Variants in LRRTM3 observed in about 807,000 individuals in gnomAD.
The protein encoded by LRRTM3 is leucine rich repeat transmembrane neuronal 3.
In LRRTM3, 24 loss-of-function variants were observed where a neutral mutation model predicts 44.7. The ratio of observed to expected loss-of-function variants is 0.54; its 90% CI spans 0.39 to 0.76. The LOEUF (loss-of-function observed/expected upper bound fraction) is 0.76. Ranked by LOEUF, LRRTM3 falls within the 30% of genes least tolerant of loss-of-function variation. The probability of loss-of-function intolerance (pLI) is 0.00; values close to 1 mark genes in which losing one functional copy is unlikely to be tolerated. For missense variants in LRRTM3, 587 were observed against 702.2 expected (o/e 0.84, Z 1.85); for synonymous variants, 277 against 278.7 (o/e 0.99, Z 0.06).
chr10:66,933,471 A>T (rs992444716), intron 2 of LRRTM3, among the ~76,000 whole-genome samples: 1 of 152,212 alleles, frequency 6.6e-6, no homozygotes, highest in African/African-American at 2.4e-5. Context: ...CATTGTGTTC[A>T]ATCCTTGTTG....
chr10:67,065,526 C>T (rs2764809), intron 2 of LRRTM3, among the ~76,000 whole-genome samples: 52,419 of 151,664 alleles, frequency 0.35, 9,553 homozygotes, highest in Middle Eastern at 0.55. Flanking sequence ...CATCTTCTTC[C>T]TGGGCCCACA....
At chr10:67,028,290 G>T (rs1034752243) in intron 2 of LRRTM3, among the ~76,000 whole-genome samples, 1 of 152,100 alleles carries the variant, frequency 6.6e-6, no homozygotes, top group Non-Finnish European at 1.5e-5. Context: ...GGCACAGGCA[G>T]ATAAATTAAA....
intron 2 of LRRTM3, among the ~76,000 whole-genome samples, chr10:67,077,747 C>G (rs1856810729): frequency 6.6e-6 from 1 of 152,028 alleles, no homozygotes; most frequent in South Asian, 2.1e-4. Flanking sequence ...TATTTATTCG[C>G]TCATCTCACT....
chr10:66,930,727 T>A (rs923023416), intron 2 of LRRTM3, among the ~76,000 whole-genome samples: 1 of 152,110 alleles, frequency 6.6e-6, no homozygotes, highest in Admixed American at 6.5e-5. Flanking sequence ...GAATATAAAA[T>A]ATGATATAAC....
chr10:66,933,253 A>G (rs1049529428), intron 2 of LRRTM3, among the ~76,000 whole-genome samples: 1 of 152,252 alleles, frequency 6.6e-6, no homozygotes, highest in Non-Finnish European at 1.5e-5. Context: ...GTTTTCACAT[A>G]GGCACAGCTT....
chr10:67,011,735 T>C (rs1379430091), intron 2 of LRRTM3, among the ~76,000 whole-genome samples: 5 of 152,166 alleles, frequency 3.3e-5, no homozygotes. Flanking sequence ...ATGTATGAAC[T>C]AATTTAATCC....
intron 2 of LRRTM3, 110 bp from the exon 3 acceptor site, chr10:67,097,477 C>T: frequency 1.1e-6 from 1 of 903,900 alleles, no homozygotes; most frequent in South Asian, 1.5e-5. Context: ...GCCACAGGGC[C>T]ACAGATATAA....
At chr10:67,075,557 T>C (rs1856705608) in intron 2 of LRRTM3, among the ~76,000 whole-genome samples, 2 of 152,196 alleles carry the variant, frequency 1.3e-5, no homozygotes, top group Admixed American at 6.5e-5. Context: ...GTTCTGCCAA[T>C]GTTTAACATT....
intron 2 of LRRTM3, among the ~76,000 whole-genome samples, chr10:66,955,335 G>C (rs939769230): frequency 6.6e-6 from 1 of 152,084 alleles, no homozygotes; most frequent in Admixed American, 6.6e-5. Context: ...ATCAATTACT[G>C]ATTACTCACT....
At chr10:67,021,706 T>C (rs1853026443) in intron 2 of LRRTM3, among the ~76,000 whole-genome samples, 1 of 152,118 alleles carries the variant, frequency 6.6e-6, no homozygotes. Flanking sequence ...AATTAAAAGT[T>C]GAGATACTAA....
Position 67,018,249 on chromosome 10 carries a change from CAT to C in LRRTM3, c.1537-79335_1537-79334del, listed in dbSNP as rs1852782818. ...TTTACTTAAAATGAGAGCATAAAGG[CAT>C]ATGAGGCCAACTACAGCAAATGTCT... On this transcript the variant is annotated intron_variant, in intron 2 of 2. Transcript: ENST00000361320. 9.9e-5 allele frequency among the ~76,000 whole-genome samples: 15 copies of C among 152,192 alleles called. No homozygotes were observed. In the South Asian group the frequency reaches 3.1e-3, roughly 32 times the overall value.
chr10:67,032,819 C>T (rs1398701382), intron 2 of LRRTM3, among the ~76,000 whole-genome samples: 2 of 152,142 alleles, frequency 1.3e-5, no homozygotes, highest in Admixed American at 6.5e-5. Flanking sequence ...TATCAGACCA[C>T]ACTGAATCCT....
At chr10:67,086,862 T>A (rs1857341226) in intron 2 of LRRTM3, among the ~76,000 whole-genome samples, 1 of 152,048 alleles carries the variant, frequency 6.6e-6, no homozygotes, top group Non-Finnish European at 1.5e-5. Flanking sequence ...TCTGCCATAC[T>A]TATATAAACC....
At chr10:67,065,229 C>T (rs567291644) in intron 2 of LRRTM3, among the ~76,000 whole-genome samples, 11 of 152,234 alleles carry the variant, frequency 7.2e-5, no homozygotes, top group Non-Finnish European at 1.5e-4. Flanking sequence ...TCAAATCCCA[C>T]GTTGACCATA....
chr10:67,001,451 TG>T (rs1213030445), intron 2 of LRRTM3, among the ~76,000 whole-genome samples: 1 of 145,326 alleles, frequency 6.9e-6, no homozygotes, highest in East Asian at 2.0e-4. Context: ...AAGACAGGGG[TG>T]GGGGACAGAA....
chr10:67,076,123 C>T (rs558030076), intron 2 of LRRTM3, among the ~76,000 whole-genome samples: 2 of 152,306 alleles, frequency 1.3e-5, no homozygotes, highest in East Asian at 3.9e-4. Context: ...GGAGGGTGGA[C>T]CTTTTAAGCT....
chr10:67,052,313 ACTCTCTCTCTCTCTCTCTCT>A (rs3841706), intron 2 of LRRTM3, among the ~76,000 whole-genome samples: 1 of 121,070 alleles, frequency 8.3e-6, no homozygotes, highest in African/African-American at 3.3e-5. Flanking sequence ...CCCACTCATC[ACTCTCTCTCTCTCTCTCTCT>A]CTCTCTCTCT....
intron 2 of LRRTM3, among the ~76,000 whole-genome samples, chr10:66,968,684 T>C (rs531210361): frequency 1.1e-4 from 17 of 152,180 alleles, no homozygotes; most frequent in African/African-American, 3.6e-4. Context: ...CAGCACCATA[T>C]TGAGTCTTAA....
At chr10:66,984,601 T>A (rs1850625481) in intron 2 of LRRTM3, among the ~76,000 whole-genome samples, 1 of 152,180 alleles carries the variant, frequency 6.6e-6, no homozygotes, top group African/African-American at 2.4e-5. Flanking sequence ...CTCAATGCGT[T>A]CATGATTCCT....
Sources: allele counts gnomAD v4.1 joint callset (sites outside exome capture counted in the v4.1 genomes callset), GRCh38; gene constraint gnomAD v4.1.1; transcripts MANE v1.5; gene names NCBI Gene and HGNC (gene_info 2026-07-23, HGNC 2026-07-21).